Variants in TRAPPC9 observed in about 807,000 individuals in gnomAD.
TRAPPC9 encodes IKK2 binding protein.
In TRAPPC9, 83 loss-of-function variants were observed where a neutral mutation model predicts 124.0. The ratio of observed to expected loss-of-function variants is 0.67; its 90% CI spans 0.56 to 0.80. The LOEUF (loss-of-function observed/expected upper bound fraction) is 0.80, where lower values mean the gene tolerates loss of function less well. TRAPPC9 is among the 30% of genes least tolerant of loss of function. The pLI, the probability that TRAPPC9 is intolerant of heterozygous loss-of-function variation, is 0.00. For synonymous variants in TRAPPC9, 638 were observed against 617.5 expected (o/e 1.03, Z -0.49); for missense variants, 1,302 against 1,508.3 (o/e 0.86, Z 2.27).
At chr8:140,150,834 G>A (rs539931005) in intron 17 of TRAPPC9, among the ~76,000 whole-genome samples, 6 of 147,080 alleles carry the variant, frequency 4.1e-5, no homozygotes, top group Non-Finnish European at 9.1e-5. Context: ...CTCTGTCACC[G>A]TGTCTTGCAG....
At chr8:139,978,581 G>A (rs1352818905) in intron 19 of TRAPPC9, among the ~76,000 whole-genome samples, 2 of 152,200 alleles carry the variant, frequency 1.3e-5, no homozygotes, top group African/African-American at 2.4e-5. Context: ...AAAATCCACC[G>A]AGCATTGCTG....
intron 4 of TRAPPC9, among the ~76,000 whole-genome samples, chr8:140,430,502 G>C (rs1168306699): frequency 6.6e-6 from 1 of 152,198 alleles, no homozygotes; most frequent in African/African-American, 2.4e-5. Context: ...GGGATGTTCT[G>C]CTCCGCCATG....
chr8:140,005,446 T>G (rs990720830), intron 18 of TRAPPC9, among the ~76,000 whole-genome samples: 2 of 152,162 alleles, frequency 1.3e-5, no homozygotes, highest in Non-Finnish European at 2.9e-5. Flanking sequence ...ACTCCTGCAC[T>G]CACAAAGGCA....
chr8:139,927,197 C>T (rs920791246), intron 19 of TRAPPC9, among the ~76,000 whole-genome samples: 2 of 152,178 alleles, frequency 1.3e-5, no homozygotes, highest in African/African-American at 4.8e-5. Flanking sequence ...AGAACGAGAA[C>T]TCTCACACAC....
At chr8:140,368,419 C>T (rs2068184041) in intron 8 of TRAPPC9, among the ~76,000 whole-genome samples, 1 of 152,176 alleles carries the variant, frequency 6.6e-6, no homozygotes, top group Admixed American at 6.5e-5. Flanking sequence ...GAGTGGTCAT[C>T]AGCGCTCCGC....
chr8:139,903,942 G>A (rs768703994), intron 20 of TRAPPC9, among the ~76,000 whole-genome samples: 6 of 152,088 alleles, frequency 3.9e-5, no homozygotes, highest in South Asian at 2.1e-4. Flanking sequence ...CCCAGGAGGC[G>A]GAGGTTGCAG....
chr8:140,456,089 T>C (rs917530711), intron 1 of TRAPPC9, among the ~76,000 whole-genome samples: 4 of 152,032 alleles, frequency 2.6e-5, no homozygotes, highest in African/African-American at 2.4e-5. Context: ...GGAATGACAA[T>C]GGTAACACAA....
At position 139,943,166 on chromosome 8, in the gene TRAPPC9, A is replaced by C. The variant is rs188679106; in HGVS notation, c.2811-32866T>G. On this transcript the variant is annotated intron_variant, in intron 19 of 22. Coordinates refer to ENST00000438773, the MANE Select transcript of TRAPPC9 (RefSeq NM_001160372.4). ...ACTGTAACTTCCGCCACCTGGGTTC[A>C]AGCGATTCTCCTGTCTCAGCCTCCC... 1.3e-4 allele frequency among the ~76,000 whole-genome samples: 20 copies of C among 152,340 alleles called. No individual in the cohort carries two copies. In the East Asian group the frequency reaches 3.7e-3, roughly 28 times the overall value.
At chr8:140,092,405 C>T (rs915435973) in intron 17 of TRAPPC9, among the ~76,000 whole-genome samples, 8 of 152,072 alleles carry the variant, frequency 5.3e-5, no homozygotes, top group African/African-American at 1.9e-4. Flanking sequence ...CCATGTTGGC[C>T]AGGCTGGTCT....
chr8:139,764,772 G>A (rs186871534), intron 21 of TRAPPC9, among the ~76,000 whole-genome samples: 6 of 152,292 alleles, frequency 3.9e-5, no homozygotes, highest in Admixed American at 3.3e-4. Flanking sequence ...GGCTAGAGGA[G>A]GTGACCCCTA....
chr8:139,896,550 A>G (rs978133951), intron 20 of TRAPPC9, among the ~76,000 whole-genome samples: 15 of 152,350 alleles, frequency 9.8e-5, no homozygotes, highest in African/African-American at 3.6e-4. Flanking sequence ...AGAAAAAGAA[A>G]GCCAGTGCCG....
intron 17 of TRAPPC9, among the ~76,000 whole-genome samples, chr8:140,072,928 T>G (rs1437763845): frequency 6.6e-6 from 1 of 152,094 alleles, no homozygotes; most frequent in Non-Finnish European, 1.5e-5. Flanking sequence ...AAGGAAAATA[T>G]ATGAATGGCC....
At chr8:140,163,677 A>C (rs1446364866) in intron 17 of TRAPPC9, among the ~76,000 whole-genome samples, 3 of 152,180 alleles carry the variant, frequency 2.0e-5, no homozygotes, top group Admixed American at 2.0e-4. Context: ...ATACCTTCAG[A>C]ATACATCCAG....
At chr8:139,910,010 C>T in intron 20 of TRAPPC9, 137 bp downstream of exon 20, 1 of 992,518 alleles carries the variant, frequency 1.0e-6, no homozygotes, top group Non-Finnish European at 1.5e-6. Context: ...AGCCTTTGGT[C>T]CACATCTCCT....
rs73372856 is a variant in TRAPPC9 at position 140,346,945 on chromosome 8, G to C, written c.1495+13105C>G. ...CTTCCCAGCCCCTCGCTGTGAAGCT[G>C]AGTCAGCACATGGAGTGATGTCTGA... On this transcript the variant is annotated intron_variant, in intron 9 of 22. Coordinates refer to ENST00000438773, the MANE Select transcript of TRAPPC9 (RefSeq NM_001160372.4). Among the ~76,000 whole-genome samples the C allele has an allele frequency of 9.0e-3, 1,337 of 148,068 alleles. 22 individuals carry two copies. Among genetic ancestry groups the C allele is most frequent in the African/African-American group, 0.035 (1,301 of 37,514 alleles).
At chr8:139,857,408 C>T (rs1015237692) in intron 21 of TRAPPC9, among the ~76,000 whole-genome samples, 1 of 152,218 alleles carries the variant, frequency 6.6e-6, no homozygotes, top group Non-Finnish European at 1.5e-5. Flanking sequence ...CACATCCCAA[C>T]AGCAACCCAA....
At chr8:139,998,085 G>A (rs1838158778) in intron 18 of TRAPPC9, among the ~76,000 whole-genome samples, 1 of 152,110 alleles carries the variant, frequency 6.6e-6, no homozygotes, top group South Asian at 2.1e-4. Context: ...CCTACACAGG[G>A]GAAACAAAAC....
intron 21 of TRAPPC9, among the ~76,000 whole-genome samples, chr8:139,876,161 G>C (rs193242518): frequency 6.6e-6 from 1 of 152,234 alleles, no homozygotes; most frequent in South Asian, 2.1e-4. Context: ...GAAAGGGCAC[G>C]TTCTCGCTGT....
intron 18 of TRAPPC9, among the ~76,000 whole-genome samples, chr8:140,005,908 T>TAAA (rs757182607): frequency 2.9e-5 from 3 of 104,220 alleles, no homozygotes; most frequent in Non-Finnish European, 6.0e-5. Flanking sequence ...AGACCCTGTC[T>TAAA]AAAAAAAAAA....
Sources: allele counts gnomAD v4.1 joint callset (sites outside exome capture counted in the v4.1 genomes callset), GRCh38; gene constraint gnomAD v4.1.1; transcripts MANE v1.5; gene names NCBI Gene and HGNC (gene_info 2026-07-23, HGNC 2026-07-21).